ATG5: variants seen among roughly 807,000 people sequenced by gnomAD.
The protein encoded by ATG5 is autophagy protein 5.
In ATG5, 14 loss-of-function variants were observed where a neutral mutation model predicts 36.5. The ratio of observed to expected loss-of-function variants is 0.38; its 90% CI spans 0.25 to 0.60. The LOEUF (loss-of-function observed/expected upper bound fraction) is 0.60. ATG5 is among the 20% of genes least tolerant of loss of function. The pLI is 0.60. For missense variants in ATG5, 195 were observed against 326.7 expected, an observed-to-expected ratio of 0.60 and a Z score of 3.11; for synonymous variants, 95 against 101.5, an observed-to-expected ratio of 0.94 and a Z score of 0.38.
chr6:106,266,804 C>T (rs1188966364), intron 5 of ATG5, among the ~76,000 whole-genome samples: 3 of 152,190 alleles, frequency 2.0e-5, no homozygotes, highest in African/African-American at 7.2e-5. Context: ...TTCAACATCC[C>T]TTCATGCTAA....
chr6:106,225,529 CA>C (rs1777421092), intron 6 of ATG5, among the ~76,000 whole-genome samples: 2 of 152,052 alleles, frequency 1.3e-5, no homozygotes, highest in African/African-American at 4.8e-5. Context: ...CCCCAAATTT[CA>C]ACAAAATCCA....
chr6:106,250,249 T>G (rs1778518520), intron 5 of ATG5, among the ~76,000 whole-genome samples: 1 of 152,080 alleles, frequency 6.6e-6, no homozygotes, highest in African/African-American at 2.4e-5. Context: ...CCATCCTAAC[T>G]GTATATTTTT....
At chr6:106,214,088 T>C (rs968746100) in intron 6 of ATG5, among the ~76,000 whole-genome samples, 17 of 152,176 alleles carry the variant, frequency 1.1e-4, no homozygotes, top group Admixed American at 8.5e-4. Flanking sequence ...TTACCAACAA[T>C]GACACATGAT....
intron 7 of ATG5, among the ~76,000 whole-genome samples, chr6:106,198,566 C>A (rs1440641395): frequency 6.6e-6 from 1 of 152,096 alleles, no homozygotes; most frequent in Non-Finnish European, 1.5e-5. Context: ...CCCCTGTGGT[C>A]AGGAGTTTGA....
chr6:106,205,663 A>T (rs1002550444), intron 6 of ATG5, among the ~76,000 whole-genome samples: 2 of 152,228 alleles, frequency 1.3e-5, no homozygotes, highest in African/African-American at 4.8e-5. Context: ...CTATTGGAGA[A>T]ATATCCTGTT....
At chr6:106,279,965 A>G (rs752115314) in intron 4 of ATG5, 142 bp from the exon 5 acceptor site, 10 of 495,140 alleles carry the variant, frequency 2.0e-5, no homozygotes, top group Admixed American at 4.3e-5. Context: ...ATACTTTAAA[A>G]TTTAACTTAA....
chr6:106,227,546 T>C (rs1458461519), intron 6 of ATG5, among the ~76,000 whole-genome samples: 2 of 152,180 alleles, frequency 1.3e-5, no homozygotes, highest in African/African-American at 4.8e-5. Context: ...CAGTGAGCTA[T>C]GACTGTGCCA....
At chr6:106,249,306 A>G (rs1220768919) in intron 5 of ATG5, among the ~76,000 whole-genome samples, 1 of 152,128 alleles carries the variant, frequency 6.6e-6, no homozygotes, top group Non-Finnish European at 1.5e-5. Context: ...CTATCTCTAT[A>G]GTTTGCCTAT....
chr6:106,187,077 T>C (rs1775802203), intron 7 of ATG5, among the ~76,000 whole-genome samples: 1 of 152,216 alleles, frequency 6.6e-6, no homozygotes, highest in South Asian at 2.1e-4. Context: ...TCCATACATA[T>C]TTTGAAAATG....
At chr6:106,310,794 TATA>T (rs1054396395) in intron 2 of ATG5, among the ~76,000 whole-genome samples, 1 of 152,196 alleles carries the variant, frequency 6.6e-6, no homozygotes, top group African/African-American at 2.4e-5. Context: ...AGTGGAACCA[TATA>T]ATATTTGTCC....
chr6:106,259,037 A>G (rs1270582816), intron 5 of ATG5, among the ~76,000 whole-genome samples: 2 of 152,146 alleles, frequency 1.3e-5, no homozygotes, highest in East Asian at 3.8e-4. Context: ...CTATTCTTTA[A>G]AAGAAGACAA....
intron 6 of ATG5, among the ~76,000 whole-genome samples, chr6:106,205,005 T>C (rs908448176): frequency 1.3e-5 from 2 of 152,188 alleles, no homozygotes; most frequent in Non-Finnish European, 2.9e-5. Flanking sequence ...GGAACTGTAG[T>C]GATAATTTAA....
At chr6:106,195,498 C>G (rs1331243454) in intron 7 of ATG5, among the ~76,000 whole-genome samples, 2 of 151,784 alleles carry the variant, frequency 1.3e-5, no homozygotes, top group African/African-American at 4.8e-5. Flanking sequence ...TTTTAAATGA[C>G]AATTTTTTTT....
chr6:106,279,608 C>CCCTGTGGTTATGGATACATATAAAATA, intron 5 of ATG5, 53 bp downstream of exon 5: 1 of 1,336,414 alleles, frequency 7.5e-7, no homozygotes, highest in Non-Finnish European at 9.9e-7. Context: ...AGGGTTATGG[C>CCCTGTGGTTATGGATACATATAAAATA]TGTATCATAT....
At chr6:106,324,970 C>A (rs1001382364) in intron 1 of ATG5, among the ~76,000 whole-genome samples, 1 of 152,162 alleles carries the variant, frequency 6.6e-6, no homozygotes, top group Non-Finnish European at 1.5e-5. Context: ...CCTCCTCACC[C>A]CTCAGAAAAA....
rs767301949 is a variant in ATG5, at chr6:106,314,306, G to A, written c.108+1795C>T. Among the ~76,000 whole-genome samples, 11 of 152,068 alleles carry A rather than the reference G, an allele frequency of 7.2e-5. No homozygotes were observed. The East Asian group carries it at 9.6e-4, about 13-fold the overall frequency. Reference sequence around the variant, plus strand: ...GTGGAGTAGCTCATGCCTGTAATCCGGGCATTTTGGAAGGCCGAGGCGGGC... The same window carrying A: ...GTGGAGTAGCTCATGCCTGTAATCCAGGCATTTTGGAAGGCCGAGGCGGGC... On this transcript the variant is annotated intron_variant, in intron 2 of 7. Coordinates refer to ENST00000369076, the MANE Select transcript of ATG5 (RefSeq NM_004849.4).
At position 106,230,459 on chromosome 6, in the gene ATG5, CCTTT is replaced by C. The variant is rs1777633755; in HGVS notation, c.573+17687_573+17690del. 2.0e-5 allele frequency among the ~76,000 whole-genome samples: 3 copies of C among 152,242 alleles called. No individual in the cohort carries two copies. The South Asian group carries it at 6.2e-4, about 32-fold the overall frequency. On this transcript the variant is annotated intron_variant, in intron 6 of 7. Transcript: ENST00000369076. ...CCACTAGAATCCAGCAGCCCGGACC[CCTTT>C]CTTTGTGATCAAGAAAGGCGGGAAA...
chr6:106,209,374 G>A (rs1776767703), intron 6 of ATG5, among the ~76,000 whole-genome samples: 1 of 152,182 alleles, frequency 6.6e-6, no homozygotes, highest in South Asian at 2.1e-4. Flanking sequence ...ACTGGTATAT[G>A]CAACAACTTG....
chr6:106,212,059 G>C (rs545381900), intron 6 of ATG5, among the ~76,000 whole-genome samples: 1 of 152,212 alleles, frequency 6.6e-6, no homozygotes, highest in African/African-American at 2.4e-5. Context: ...AATTAGCAAA[G>C]TTCATTTATT....
Sources: allele counts gnomAD v4.1 joint callset (sites outside exome capture counted in the v4.1 genomes callset), GRCh38; gene constraint gnomAD v4.1.1; transcripts MANE v1.5; gene names NCBI Gene and HGNC (gene_info 2026-07-23, HGNC 2026-07-21).